PCDH7: variants seen among roughly 807,000 people sequenced by gnomAD.
PCDH7 encodes the protein protocadherin-7.
In PCDH7, 17 loss-of-function variants were observed where a neutral mutation model predicts 58.9. That is an observed-to-expected ratio of 0.29 (90% CI 0.20 to 0.43). The LOEUF (loss-of-function observed/expected upper bound fraction) is 0.43, where lower values mean the gene tolerates loss of function less well. PCDH7 is among the 20% of genes least tolerant of loss of function. The pLI is 1.00. For missense variants in PCDH7, 1,274 were observed against 1,441.0 expected (o/e 0.88, Z 1.88); for synonymous variants, 664 against 616.4 (o/e 1.08, Z -1.14).
intron 1 of PCDH7, among the ~76,000 whole-genome samples, chr4:30,792,834 G>A (rs1368641742): frequency 6.6e-6 from 1 of 152,006 alleles, no homozygotes; most frequent in Non-Finnish European, 1.5e-5. Context: ...GCAGACATTT[G>A]GTATGTGCAT....
chr4:30,749,166 G>A (rs574329789), intron 1 of PCDH7, among the ~76,000 whole-genome samples: 23 of 152,194 alleles, frequency 1.5e-4, no homozygotes, highest in African/African-American at 5.3e-4. Context: ...TAAAACAAAA[G>A]AAAGAAAAAG....
chr4:31,039,611 C>G (rs1334014123), intron 3 of PCDH7, among the ~76,000 whole-genome samples: 1 of 152,120 alleles, frequency 6.6e-6, no homozygotes, highest in Non-Finnish European at 1.5e-5. Context: ...CCAGTCATAG[C>G]TCCCAATAGC....
intron 1 of PCDH7, among the ~76,000 whole-genome samples, chr4:30,826,673 T>C (rs2109326490): frequency 6.6e-6 from 1 of 152,246 alleles, no homozygotes; most frequent in East Asian, 1.9e-4. Flanking sequence ...GGGTGTCATC[T>C]GAGGAGTCCT....
intron 1 of PCDH7, among the ~76,000 whole-genome samples, chr4:30,852,043 T>C (rs914890125): frequency 1.3e-5 from 2 of 152,086 alleles, no homozygotes; most frequent in Admixed American, 1.3e-4. Flanking sequence ...GAAGGTACCA[T>C]TTAATGTTCT....
intron 1 of PCDH7, among the ~76,000 whole-genome samples, chr4:30,834,930 T>TAC (rs201386115): frequency 0.013 from 1,979 of 151,356 alleles, 42 homozygotes; most frequent in African/African-American, 0.045. Context: ...TGTATATATA[T>TAC]ACACACACAC....
At chr4:30,759,250 G>A (rs1400980489) in intron 1 of PCDH7, among the ~76,000 whole-genome samples, 1 of 152,040 alleles carries the variant, frequency 6.6e-6, no homozygotes, top group Non-Finnish European at 1.5e-5. Context: ...CCTCTTTGGG[G>A]AAGCTTTTTA....
intron 1 of PCDH7, among the ~76,000 whole-genome samples, chr4:30,826,488 G>A (rs1051634878): frequency 7.9e-5 from 12 of 151,866 alleles, no homozygotes; most frequent in African/African-American, 2.7e-4. Flanking sequence ...AGCCATTCTG[G>A]AACTTATTCC....
At chr4:30,905,270 A>G (rs751479308) in intron 1 of PCDH7, among the ~76,000 whole-genome samples, 3 of 152,082 alleles carry the variant, frequency 2.0e-5, no homozygotes, top group Admixed American at 6.6e-5. Context: ...TTTACATACT[A>G]CTGGAGTTCC....
intron 1 of PCDH7, among the ~76,000 whole-genome samples, chr4:30,763,809 A>G (rs1179338808): frequency 3.9e-5 from 6 of 152,226 alleles, no homozygotes; most frequent in African/African-American, 1.4e-4. Flanking sequence ...TTACTTTACT[A>G]TAAATACTTA....
At chr4:30,778,622 T>C (rs373550830) in intron 1 of PCDH7, among the ~76,000 whole-genome samples, 3 of 152,128 alleles carry the variant, frequency 2.0e-5, no homozygotes, top group African/African-American at 7.2e-5. Context: ...ATTTAACACA[T>C]TTTTGCTGGG....
At chr4:30,839,429 G>A (rs1730929877) in intron 1 of PCDH7, among the ~76,000 whole-genome samples, 1 of 152,034 alleles carries the variant, frequency 6.6e-6, no homozygotes, top group Non-Finnish European at 1.5e-5. Flanking sequence ...AATAGTGTCT[G>A]GCTCATGGAA....
chr4:30,889,594 A>G (rs1463476761), intron 1 of PCDH7, among the ~76,000 whole-genome samples: 1 of 152,196 alleles, frequency 6.6e-6, no homozygotes, highest in African/African-American at 2.4e-5. Flanking sequence ...CTGGTGGTTT[A>G]TAAACCCATC....
intron 1 of PCDH7, among the ~76,000 whole-genome samples, chr4:30,845,237 T>C (rs907885918): frequency 6.6e-6 from 1 of 152,154 alleles, no homozygotes; most frequent in Non-Finnish European, 1.5e-5. Context: ...TAAAAGGACA[T>C]TGGTATTTTT....
At chr4:31,093,356 T>C (rs1360071964) in intron 3 of PCDH7, among the ~76,000 whole-genome samples, 1 of 152,146 alleles carries the variant, frequency 6.6e-6, no homozygotes, top group Non-Finnish European at 1.5e-5. Flanking sequence ...AATTCTGTTG[T>C]TTGCATTACT....
chr4:30,755,963 C>G (rs1719234671), intron 1 of PCDH7, among the ~76,000 whole-genome samples: 1 of 151,986 alleles, frequency 6.6e-6, no homozygotes, highest in African/African-American at 2.4e-5. Context: ...CCTGTAGTCC[C>G]ATCTACTCAG....
intron 1 of PCDH7, among the ~76,000 whole-genome samples, chr4:30,772,437 C>G (rs1721538084): frequency 6.6e-6 from 1 of 152,146 alleles, no homozygotes; most frequent in South Asian, 2.1e-4. Flanking sequence ...TTTTTCTTTT[C>G]TAGAGGTAAA....
chr4:30,771,203 T>A (rs1328755173), intron 1 of PCDH7, among the ~76,000 whole-genome samples: 1 of 152,228 alleles, frequency 6.6e-6, no homozygotes, highest in Non-Finnish European at 1.5e-5. Context: ...TTTGAACGAA[T>A]TCATAATTTT....
At chr4:30,886,991 G>A (rs1232790916) in intron 1 of PCDH7, among the ~76,000 whole-genome samples, 2 of 104,960 alleles carry the variant, frequency 1.9e-5, no homozygotes, top group Non-Finnish European at 3.7e-5. Flanking sequence ...GGGGTGGGGG[G>A]AGGGGGGAGG....
At chr4:30,981,281 G>A (rs1305658351) in intron 3 of PCDH7, among the ~76,000 whole-genome samples, 1 of 152,194 alleles carries the variant, frequency 6.6e-6, no homozygotes, top group African/African-American at 2.4e-5. Context: ...ACAAAGCTCA[G>A]TGATCTATGC....
Sources: allele counts gnomAD v4.1 joint callset (sites outside exome capture counted in the v4.1 genomes callset), GRCh38; gene constraint gnomAD v4.1.1; transcripts MANE v1.5; gene names NCBI Gene and HGNC (gene_info 2026-07-23, HGNC 2026-07-21).